Variants in DPP10 observed in about 807,000 individuals in gnomAD.
DPP10 encodes the protein dipeptidyl peptidase like 10, also known as inactive dipeptidyl peptidase 10.
In DPP10, 33 loss-of-function variants were observed where a neutral mutation model predicts 120.9. The observed-to-expected ratio is 0.27, with a 90% CI of 0.21 to 0.37. The LOEUF is 0.37. Ranked by LOEUF, DPP10 falls within the 10% of genes least tolerant of loss-of-function variation. The pLI, the probability that DPP10 is intolerant of heterozygous loss-of-function variation, is 1.00. For synonymous variants in DPP10, 337 were observed against 326.1 expected, an observed-to-expected ratio of 1.03 and a Z score of -0.36; for missense variants, 816 against 942.8, an observed-to-expected ratio of 0.87 and a Z score of 1.76.
intron 1 of DPP10, among the ~76,000 whole-genome samples, chr2:114,708,260 AG>A (rs113892673): frequency 2.6e-5 from 4 of 152,282 alleles, no homozygotes; most frequent in African/African-American, 9.6e-5. Flanking sequence ...GGACACCAAA[AG>A]CAATCCACTA....
At chr2:115,173,141 A>G (rs538646267) in intron 1 of DPP10, among the ~76,000 whole-genome samples, 3 of 152,292 alleles carry the variant, frequency 2.0e-5, no homozygotes, top group South Asian at 4.1e-4. Context: ...CATGCTTATA[A>G]TGTATTCTGC....
chr2:114,965,621 A>G (rs974188207), intron 1 of DPP10, among the ~76,000 whole-genome samples: 1 of 151,498 alleles, frequency 6.6e-6, no homozygotes, highest in Non-Finnish European at 1.5e-5. Context: ...TCAAGGGAGT[A>G]AGTATGGACA....
At chr2:115,088,750 CAAAAAAAA>C (rs70941027) in intron 1 of DPP10, among the ~76,000 whole-genome samples, 3 of 65,044 alleles carry the variant, frequency 4.6e-5, no homozygotes, top group South Asian at 1.5e-3. Context: ...CTGTGCCTGA[CAAAAAAAA>C]AAAAAAAAAA....
intron 1 of DPP10, among the ~76,000 whole-genome samples, chr2:114,871,632 A>T (rs900020926): frequency 3.3e-5 from 5 of 152,124 alleles, no homozygotes; most frequent in East Asian, 1.9e-4. Context: ...TTATTTTTTT[A>T]AAATAATTTC....
At chr2:115,264,656 G>A (rs1039683983) in intron 1 of DPP10, among the ~76,000 whole-genome samples, 3 of 152,126 alleles carry the variant, frequency 2.0e-5, no homozygotes, top group South Asian at 4.1e-4. Context: ...TTGGTAATTT[G>A]CATTATTTTG....
At chr2:114,945,947 A>G (rs996474943) in intron 1 of DPP10, among the ~76,000 whole-genome samples, 1 of 152,226 alleles carries the variant, frequency 6.6e-6, no homozygotes, top group East Asian at 1.9e-4. Flanking sequence ...CTCTAAGCCA[A>G]GTCCAAACAT....
intron 19 of DPP10, among the ~76,000 whole-genome samples, chr2:115,804,285 G>A (rs138427904): frequency 7.2e-5 from 11 of 152,208 alleles, no homozygotes; most frequent in Non-Finnish European, 1.3e-4. Flanking sequence ...GCTCCAACAG[G>A]TCCTTTAAGG....
At chr2:115,112,141 A>G (rs2049255748) in intron 1 of DPP10, among the ~76,000 whole-genome samples, 1 of 152,130 alleles carries the variant, frequency 6.6e-6, no homozygotes, top group Non-Finnish European at 1.5e-5. Context: ...TCTTTCATTC[A>G]CTATCACAGT....
intron 1 of DPP10, among the ~76,000 whole-genome samples, chr2:114,724,961 A>G (rs934272847): frequency 1.3e-5 from 2 of 152,102 alleles, no homozygotes; most frequent in African/African-American, 2.4e-5. Flanking sequence ...CCCATAGATA[A>G]TATTTATTTT....
chr2:114,605,151 T>C (rs1467097709), intron 1 of DPP10, among the ~76,000 whole-genome samples: 3 of 152,126 alleles, frequency 2.0e-5, no homozygotes, highest in Non-Finnish European at 4.4e-5. Context: ...TTGCTATGGA[T>C]TGATGTTAGA....
At chr2:114,690,746 T>C (rs1469175288) in intron 1 of DPP10, among the ~76,000 whole-genome samples, 2 of 152,154 alleles carry the variant, frequency 1.3e-5, no homozygotes, top group African/African-American at 4.8e-5. Flanking sequence ...ATTTGTGTCC[T>C]GTCTGATTTC....
chr2:115,175,659 C>T (rs2053637929), intron 1 of DPP10, among the ~76,000 whole-genome samples: 1 of 152,152 alleles, frequency 6.6e-6, no homozygotes, highest in African/African-American at 2.4e-5. Context: ...ACAGAAAAGA[C>T]CAGCGCTATT....
chr2:115,018,058 C>T (rs1397697855), intron 1 of DPP10, among the ~76,000 whole-genome samples: 1 of 150,286 alleles, frequency 6.7e-6, no homozygotes, highest in East Asian at 1.9e-4. Context: ...AGGATATGAA[C>T]AGGCACTTCT....
chr2:115,286,713 A>G (rs975905021), intron 1 of DPP10, among the ~76,000 whole-genome samples: 2 of 150,246 alleles, frequency 1.3e-5, no homozygotes, highest in African/African-American at 2.4e-5. Context: ...TTTTATTGTT[A>G]TATCTTTCCT....
chr2:114,461,828 A>C, intron 1 of DPP10: 2 of 985,450 alleles, frequency 2.0e-6, no homozygotes, highest in Non-Finnish European at 1.2e-6. Context: ...CAAATATGAT[A>C]GAAGATATCT....
intron 1 of DPP10, among the ~76,000 whole-genome samples, chr2:115,020,344 G>A (rs1702981335): frequency 2.0e-5 from 3 of 152,126 alleles, no homozygotes; most frequent in Admixed American, 6.5e-5. Flanking sequence ...AACACCAAAA[G>A]TGAGCAGGAG....
intron 1 of DPP10, among the ~76,000 whole-genome samples, chr2:115,105,827 TTTG>T (rs1283694772): frequency 6.6e-6 from 1 of 152,230 alleles, no homozygotes; most frequent in African/African-American, 2.4e-5. Flanking sequence ...CACTCTTTTG[TTTG>T]TTGTTTCTTT....
intron 5 of DPP10, among the ~76,000 whole-genome samples, chr2:115,676,670 A>G (rs1475704733): frequency 6.6e-6 from 1 of 152,240 alleles, no homozygotes; most frequent in African/African-American, 2.4e-5. Context: ...ATAAAAATGA[A>G]TGAAGCAGGA....
intron 1 of DPP10, among the ~76,000 whole-genome samples, chr2:114,598,571 T>C (rs1692113418): frequency 6.6e-6 from 1 of 151,736 alleles, no homozygotes; most frequent in Non-Finnish European, 1.5e-5. Context: ...GAGGAGTGCC[T>C]GACAGGAAGG....
Sources: allele counts gnomAD v4.1 joint callset (sites outside exome capture counted in the v4.1 genomes callset), GRCh38; gene constraint gnomAD v4.1.1; transcripts MANE v1.5; gene names NCBI Gene and HGNC (gene_info 2026-07-23, HGNC 2026-07-21).